GRIP1: variants seen among roughly 807,000 people sequenced by gnomAD.
The protein encoded by GRIP1 is glutamate receptor-interacting protein 1.
Under a neutral mutation model 129.9 loss-of-function variants are expected in GRIP1, and 45 were observed. The observed-to-expected ratio is 0.35, with a 90% CI of 0.27 to 0.44. The LOEUF is 0.44. Among genes scored for constraint, GRIP1 ranks in the 20% least tolerant of loss-of-function variants. The probability of loss-of-function intolerance (pLI) is 1.00; values close to 1 mark genes in which losing one functional copy is unlikely to be tolerated. For missense variants in GRIP1, 1,196 were observed against 1,396.8 expected, an observed-to-expected ratio of 0.86 and a Z score of 2.29; for synonymous variants, 530 against 520.8, an observed-to-expected ratio of 1.02 and a Z score of -0.24.
At chr12:66,480,348 T>C (rs1227502164) in intron 7 of GRIP1, among the ~76,000 whole-genome samples, 1 of 152,032 alleles carries the variant, frequency 6.6e-6, no homozygotes, top group Non-Finnish European at 1.5e-5. Context: ...GGAATACAAC[T>C]TACAAGGGAT....
At chr12:66,752,666 A>G (rs1437174123) in intron 1 of GRIP1, among the ~76,000 whole-genome samples, 1 of 152,146 alleles carries the variant, frequency 6.6e-6, no homozygotes, top group African/African-American at 2.4e-5. Context: ...GGCCAGAGAC[A>G]TTGCTTACCT....
At chr12:67,066,652 C>T (rs1242466617) in intron 1 of GRIP1, among the ~76,000 whole-genome samples, 1 of 151,998 alleles carries the variant, frequency 6.6e-6, no homozygotes, top group African/African-American at 2.4e-5. Context: ...TCCTGACCAA[C>T]CTGACAGTTT....
chr12:66,857,655 C>T (rs1335125961), intron 1 of GRIP1, among the ~76,000 whole-genome samples: 1 of 151,728 alleles, frequency 6.6e-6, no homozygotes, highest in Non-Finnish European at 1.5e-5. Flanking sequence ...CATCTATGCT[C>T]TAGGCACTGA....
intron 16 of GRIP1, among the ~76,000 whole-genome samples, chr12:66,400,974 T>G (rs1406470100): frequency 3.3e-5 from 5 of 152,100 alleles, no homozygotes; most frequent in African/African-American, 1.2e-4. Flanking sequence ...GATTGGGTAT[T>G]GGGGATTGGG....
intron 1 of GRIP1, among the ~76,000 whole-genome samples, chr12:66,711,979 GT>G (rs1429336971): frequency 4.0e-4 from 61 of 151,984 alleles, no homozygotes; most frequent in African/African-American, 1.5e-3. Flanking sequence ...ACTACCACAT[GT>G]GAAAAATAAA....
At chr12:66,480,498 A>G (rs1015875496) in intron 7 of GRIP1, among the ~76,000 whole-genome samples, 1 of 152,230 alleles carries the variant, frequency 6.6e-6, no homozygotes, top group African/African-American at 2.4e-5. Flanking sequence ...AAAGTTATTT[A>G]TAGGTTCAGT....
At chr12:67,030,872 T>C (rs1378365649) in intron 1 of GRIP1, among the ~76,000 whole-genome samples, 1 of 152,130 alleles carries the variant, frequency 6.6e-6, no homozygotes, top group Admixed American at 6.6e-5. Context: ...GCAACAAAGT[T>C]AGTTAGAAGC....
At chr12:66,979,231 A>AAAC (rs1555257192) in intron 1 of GRIP1, among the ~76,000 whole-genome samples, 1 of 73,126 alleles carries the variant, frequency 1.4e-5, no homozygotes, top group Non-Finnish European at 3.0e-5. Flanking sequence ...TTAAAAAAAA[A>AAAC]AAAAAAAAAA....
intron 1 of GRIP1, among the ~76,000 whole-genome samples, chr12:67,040,085 G>A (rs747496346): frequency 2.6e-5 from 4 of 151,982 alleles, no homozygotes; most frequent in Non-Finnish European, 4.4e-5. Context: ...CGCTGCTTTC[G>A]TCTTAGAAAC....
chr12:66,564,115 G>A (rs553302485), intron 2 of GRIP1: 39 of 152,544 alleles, frequency 2.6e-4, no homozygotes, highest in African/African-American at 8.5e-4. Context: ...TTCAGTTGCC[G>A]CATCAATATC....
At chr12:66,360,326 G>A (rs1449367323) in intron 23 of GRIP1, among the ~76,000 whole-genome samples, 10 of 152,074 alleles carry the variant, frequency 6.6e-5, no homozygotes, top group African/African-American at 2.2e-4. Context: ...AAGAACATCT[G>A]CATAAAGTCC....
chr12:67,003,260 C>G (rs894972389), intron 1 of GRIP1, among the ~76,000 whole-genome samples: 1 of 152,206 alleles, frequency 6.6e-6, no homozygotes, highest in Non-Finnish European at 1.5e-5. Flanking sequence ...AAGTGTCCAA[C>G]TATTGCTAAA....
chr12:66,917,310 A>AT (rs1170509277), intron 1 of GRIP1, among the ~76,000 whole-genome samples: 3 of 152,224 alleles, frequency 2.0e-5, no homozygotes, highest in African/African-American at 4.8e-5. Flanking sequence ...CACTTGCCTA[A>AT]TACATTTATT....
chr12:66,874,218 T>G (rs1348915974), intron 1 of GRIP1, among the ~76,000 whole-genome samples: 1 of 152,096 alleles, frequency 6.6e-6, no homozygotes, highest in Admixed American at 6.6e-5. Context: ...TAAAATGGAA[T>G]GTGTATTTGT....
chr12:66,481,948 G>C (rs182861152), intron 7 of GRIP1, among the ~76,000 whole-genome samples: 1 of 151,886 alleles, frequency 6.6e-6, no homozygotes, highest in Non-Finnish European at 1.5e-5. Context: ...GGGCCTGTCG[G>C]GGGGTGGGAG....
chr12:67,067,935 C>A (rs1303808234), intron 1 of GRIP1, among the ~76,000 whole-genome samples: 1 of 152,174 alleles, frequency 6.6e-6, no homozygotes, highest in Non-Finnish European at 1.5e-5. Flanking sequence ...GCCCATGGAG[C>A]CCCTGCATCC....
Position 66,829,211 on chromosome 12 carries a change from A to G in GRIP1, c.59-232284T>C, listed in dbSNP as rs555786643. On this transcript the variant is annotated intron_variant, in intron 1 of 1. Transcript: ENST00000643019. ...ACACATATTCTTGTGAGAAAGTGGC[A>G]GAGGAAGTTCTAAAGCACAGACCCA... is the stretch of plus-strand genomic sequence containing the variant. Among the ~76,000 whole-genome samples, 6 of 152,302 alleles carry G rather than the reference A, an allele frequency of 3.9e-5. No individual in the cohort carries two copies. In the East Asian group the frequency reaches 7.7e-4, roughly 20 times the overall value.
At chr12:66,394,934 ACTGT>A (rs2056733866) in intron 16 of GRIP1, among the ~76,000 whole-genome samples, 1 of 152,224 alleles carries the variant, frequency 6.6e-6, no homozygotes, top group Admixed American at 6.5e-5. Flanking sequence ...CATTCCACTG[ACTGT>A]CTTCTAATGT....
chr12:66,392,141 C>G (rs2056612063), intron 19 of GRIP1, among the ~76,000 whole-genome samples, 167 bp downstream of exon 19: 1 of 152,196 alleles, frequency 6.6e-6, no homozygotes, highest in African/African-American at 2.4e-5. Context: ...GAAGAAAATG[C>G]ATGGCCAGCA....
Sources: allele counts gnomAD v4.1 joint callset (sites outside exome capture counted in the v4.1 genomes callset), GRCh38; gene constraint gnomAD v4.1.1; transcripts MANE v1.5; gene names NCBI Gene and HGNC (gene_info 2026-07-23, HGNC 2026-07-21).